Variants in FBXO30 observed in about 807,000 individuals in gnomAD.
The protein encoded by FBXO30 is F-box only protein 30.
In FBXO30, 21 loss-of-function variants were observed where a neutral mutation model predicts 58.1. That is an observed-to-expected ratio of 0.36 (90% CI 0.26 to 0.52). The LOEUF is 0.52. Among genes scored for constraint, FBXO30 ranks in the 20% least tolerant of loss-of-function variants. FBXO30 has a pLI of 0.93. For synonymous variants in FBXO30, 309 were observed against 312.4 expected, an observed-to-expected ratio of 0.99 and a Z score of 0.11; for missense variants, 744 against 897.3, an observed-to-expected ratio of 0.83 and a Z score of 2.18.
At chr6:145,803,492 C>T (rs1043518217) in intron 2 of FBXO30, among the ~76,000 whole-genome samples, 5 of 152,022 alleles carry the variant, frequency 3.3e-5, no homozygotes, top group African/African-American at 1.2e-4. Context: ...TGCTGTGCAA[C>T]TAAATGTAAA....
intron 2 of FBXO30, among the ~76,000 whole-genome samples, chr6:145,801,536 G>GA (rs1326323230): frequency 6.6e-6 from 1 of 152,034 alleles, no homozygotes. Flanking sequence ...CCCTGCTTTA[G>GA]AAAGTGGCAG....
Position 145,800,143 on chromosome 6 carries a change from CCTT to C in FBXO30, c.2198_2200del (p.Glu733del), listed in dbSNP as rs771680116. On this transcript the variant is annotated inframe_deletion, in exon 3 of 3. Coordinates refer to ENST00000237281, the MANE Select transcript of FBXO30 (RefSeq NM_032145.5). The stretch of plus-strand genomic sequence containing the variant: ...TTTTAAAACTGAGCGTAGTGAACGT[CCTT>C]CTTTAGTGAGTTCTCGTGTCACACA... 2 of 1,612,784 alleles carry C rather than the reference CCTT, an allele frequency of 1.2e-6. No individual in the cohort carries two copies. Among genetic ancestry groups the C allele is most frequent in the South Asian group, 1.1e-5 (1 of 91,044 alleles).
rs1391641160 is a variant in FBXO30 at position 145,806,366 on chromosome 6, C to T, written c.40G>A (p.Val14Ile). 1.2e-6 allele frequency: 2 copies of T among 1,613,878 alleles called. No individual in the cohort carries two copies. Among genetic ancestry groups the T allele is most frequent in the East Asian group, 2.2e-5 (1 of 44,884 alleles). ...GGCCTGGTCATGCACCGTCTACTGA[C>T]ACAATTCACACAATGGGAATGCTGC... Reference protein sequence around the residue: ...ELQHSHCVNCVSRRCMTRPEP... With the variant: ...ELQHSHCVNCISRRCMTRPEP... The change falls in exon 2 of 3, where the codon GTC becomes ATC. Residue 14 changes from valine to isoleucine, a missense_variant. Physicochemically the swap from Val to Ile is conservative, Grantham distance 29. This residue lies in a region of FBXO30 where 135 missense variants were observed against 201.6 expected (regional missense o/e 0.67). Transcript: ENST00000237281.
At chr6:145,801,518 T>C (rs1427701522) in intron 2 of FBXO30, among the ~76,000 whole-genome samples, 1 of 151,940 alleles carries the variant, frequency 6.6e-6, no homozygotes, top group Non-Finnish European at 1.5e-5. Context: ...AGCCAAGAGA[T>C]TGGACACCCC....
chr6:145,809,453 C>T (rs972234485), intron 1 of FBXO30, among the ~76,000 whole-genome samples: 3 of 152,186 alleles, frequency 2.0e-5, no homozygotes, highest in African/African-American at 4.8e-5. Flanking sequence ...TTACTGTACA[C>T]ACCATCACAT....
chr6:145,812,981 C>A (rs1176323685), intron 1 of FBXO30, among the ~76,000 whole-genome samples: 2 of 152,262 alleles, frequency 1.3e-5, no homozygotes, highest in Admixed American at 1.3e-4. Context: ...GTCTTAGGAA[C>A]TGAATTAAAA....
rs1239510840 is a variant in FBXO30 at position 145,794,576 on chromosome 6, T to A, written c.*5530A>T. 6.6e-6 allele frequency: 1 copy of A among 151,940 alleles called. No homozygotes were observed. Among genetic ancestry groups the A allele is most frequent in the Non-Finnish European group, 1.5e-5 (1 of 67,826 alleles). The allele number at this position is 151,940 out of a possible 1,614,324, so 9.4% of individuals were successfully genotyped here. A position where few individuals can be genotyped will look rare whatever the true frequency, so the allele number is the denominator to read the frequency against. On this transcript the variant is annotated 3_prime_UTR_variant, in exon 3 of 3. Transcript: ENST00000237281. ...CCAATACTGTTCTCTCCATATTTTA[T>A]TTAAAATACAGATTTTTTAAAAAGT...
At chr6:145,812,555 T>C (rs1285632167) in intron 1 of FBXO30, among the ~76,000 whole-genome samples, 1 of 152,162 alleles carries the variant, frequency 6.6e-6, no homozygotes, top group East Asian at 1.9e-4. Flanking sequence ...TTTACAAAGA[T>C]TGTTTACAAT....
chr6:145,805,082 C>A lies in FBXO30; in HGVS notation c.1324G>T (p.Gly442Cys). ...FCLGDSPGGRGISDSRMADIY... is the reference protein window; with the variant it reads ...FCLGDSPGGRCISDSRMADIY... ...TCAGCCATGCGGCTATCAGATATAC[C>A]CCTCCCTCCTGGAGAATCTCCTAGA... is the stretch of plus-strand genomic sequence containing the variant. The change falls in exon 2 of 3, where the codon GGT (glycine) becomes TGT (cysteine). Residue 442 changes from glycine (G) to cysteine (C), a missense_variant. Coordinates refer to ENST00000237281, the MANE Select transcript of FBXO30 (RefSeq NM_032145.5). 1 of 1,614,012 alleles carries A rather than the reference C, an allele frequency of 6.2e-7. No individual in the cohort carries two copies. The highest frequency in any genetic ancestry group is 1.1e-5 in the South Asian group (1 of 91,078).
In FBXO30 at chr6:145,794,011, T is replaced by A. The variant is rs1461513158; in HGVS notation, c.*6095A>T. 2 of 152,136 alleles carry A rather than the reference T, an allele frequency of 1.3e-5. No individual in the cohort carries two copies. Among genetic ancestry groups the A allele is most frequent in the East Asian group, 3.9e-4 (2 of 5,190 alleles). 9.4% of individuals were successfully genotyped at this position (152,136 alleles called of 1,614,324 possible). ...ACACATCAAATACACCATTTTAAAG[T>A]ATACAATTCACTGGCATTTTGGCAC... On this transcript the variant is annotated 3_prime_UTR_variant, in exon 3 of 3. Transcript: ENST00000237281.
At chr6:145,807,107 A>C (rs931661232) in intron 1 of FBXO30, among the ~76,000 whole-genome samples, 3 of 152,216 alleles carry the variant, frequency 2.0e-5, no homozygotes, top group African/African-American at 7.2e-5. Flanking sequence ...CATTCATTAA[A>C]TGCCTATTTA....
chr6:145,800,396 C>G, intron 2 of FBXO30, 87 bp from the exon 3 acceptor site: 1 of 1,042,664 alleles, frequency 9.6e-7, no homozygotes, highest in Non-Finnish European at 1.4e-6. Context: ...TACATTTCTG[C>G]TATTATAGAA....
At chr6:145,807,630 T>C (rs1199761820) in intron 1 of FBXO30, among the ~76,000 whole-genome samples, 5 of 152,198 alleles carry the variant, frequency 3.3e-5, no homozygotes. Context: ...GAATGGATTA[T>C]AGATGTCTAA....
chr6:145,804,972 A>G lies in FBXO30; in HGVS notation c.1434T>C (p.Ala478=), dbSNP rs779495298. The G allele has an allele frequency of 1.2e-6, 2 of 1,613,932 alleles. No homozygotes were observed. Among genetic ancestry groups the G allele is most frequent in the East Asian group, 4.5e-5 (2 of 44,874 alleles). The stretch of plus-strand genomic sequence containing the variant: ...TGGCATGATCACAAGCTGAAGCTGA[A>G]GCTATCTCCCCAACCATTGTACTTG... The part of the protein sequence containing the change: ...LATSTMVGEI[A]SASACDHANP... The change falls in exon 2 of 3, where the codon GCT becomes GCC. Residue 478 remains alanine, a synonymous_variant. Coordinates refer to ENST00000237281, the MANE Select transcript of FBXO30 (RefSeq NM_032145.5).
chr6:145,806,643 T>A (rs2128666655), intron 1 of FBXO30, among the ~76,000 whole-genome samples: 1 of 152,314 alleles, frequency 6.6e-6, no homozygotes, highest in African/African-American at 2.4e-5. Flanking sequence ...TAGAATGTCA[T>A]AACGGTTCAT....
chr6:145,800,249 T>C lies in FBXO30; in HGVS notation c.2095A>G (p.Ser699Gly). Residue 699 changes from serine (S) to glycine (G), a missense_variant, in exon 3 of 3, where the codon AGC (serine) becomes GGC (glycine). By Grantham distance (56) the Ser-to-Gly change is moderately conservative. This residue lies in a region of FBXO30 where 334 missense variants were observed against 433.7 expected (regional missense o/e 0.77). Coordinates refer to ENST00000237281, the MANE Select transcript of FBXO30 (RefSeq NM_032145.5). ...CATTTCTTCAAGTGGTCTGCCATGC[T>C]TAGGATGTCAGCAAATTTCCATTCA... ...VNEWKFADIL[S>G]MADHLKKCSY... The C allele has an allele frequency of 6.2e-7, 1 of 1,613,026 alleles. No individual in the cohort carries two copies. Among genetic ancestry groups the C allele is most frequent in the Non-Finnish European group, 8.5e-7 (1 of 1,179,314 alleles).
rs1413220355 is a variant in FBXO30 at position 145,793,768 on chromosome 6, G to C, written c.*6338C>G. ...GTTTTAAATATAAGGAAATTTTGAT[G>C]AATTACAGCTTTATTTCTGCTGCTG... is the stretch of plus-strand genomic sequence containing the variant. On this transcript the variant is annotated 3_prime_UTR_variant, in exon 3 of 3. Coordinates refer to ENST00000237281, the MANE Select transcript of FBXO30 (RefSeq NM_032145.5). 1 of 151,962 alleles carries C rather than the reference G, an allele frequency of 6.6e-6. No homozygotes were observed. The highest frequency in any genetic ancestry group is 2.4e-5 in the African/African-American group (1 of 41,406). The allele number at this position is 151,962 out of a possible 1,614,324, so 9.4% of individuals were successfully genotyped here.
chr6:145,806,491 A>G (rs1468026254), intron 1 of FBXO30, 70 bp from the exon 2 acceptor site: 3 of 1,118,776 alleles, frequency 2.7e-6, no homozygotes, highest in Non-Finnish European at 3.9e-6. Flanking sequence ...TTGTTTAATA[A>G]TTAAATCACT....
rs1177387703 is a variant in FBXO30 at position 145,794,632 on chromosome 6, C to T, written c.*5474G>A. 6.6e-6 allele frequency: 1 copy of T among 151,806 alleles called. No individual in the cohort carries two copies. Among genetic ancestry groups the T allele is most frequent in the African/African-American group, 2.4e-5 (1 of 41,398 alleles). The allele number at this position is 151,806 out of a possible 1,614,324, so 9.4% of individuals were successfully genotyped here. ...ATTGATATAAAAGACATCCAGTTGACATAATCATTCATTGGGTAATTTTAC... is the reference window on the plus strand; with the variant it reads ...ATTGATATAAAAGACATCCAGTTGATATAATCATTCATTGGGTAATTTTAC... On this transcript the variant is annotated 3_prime_UTR_variant, in exon 3 of 3. Transcript: ENST00000237281.
Sources: gnomAD v4.1 joint callset for allele counts (sites outside exome capture counted in the v4.1 genomes callset) on GRCh38, gnomAD v4.1.1 for gene constraint, gnomAD v4.1.1 regional missense constraint, MANE v1.5 for transcripts, NCBI Gene and HGNC (gene_info 2026-07-23, HGNC 2026-07-21) for gene names.